The following IQCM variants were observed in gnomAD, a reference collection of about 807,000 sequenced individuals.
The protein encoded by IQCM is IQ domain-containing protein M.
In IQCM, 45 loss-of-function variants were observed where a neutral mutation model predicts 57.6. That is an observed-to-expected ratio of 0.78 (90% confidence interval 0.62 to 1.00). IQCM has a LOEUF of 1.00. Among genes scored for constraint, IQCM ranks in the 50% least tolerant of loss-of-function variants. The pLI is 0.00. For synonymous variants in IQCM, 148 were observed against 158.9 expected, an observed-to-expected ratio of 0.93 and a Z score of 0.51; for missense variants, 468 against 511.6, an observed-to-expected ratio of 0.91 and a Z score of 0.82.
At chr4:149,814,775 C>T (rs1305190925) in intron 2 of IQCM, among the ~76,000 whole-genome samples, 1 of 151,856 alleles carries the variant, frequency 6.6e-6, no homozygotes, top group Admixed American at 6.6e-5. Flanking sequence ...GGGCAGAGAC[C>T]ATCAAGAGTA....
At chr4:149,799,119 C>CA (rs1773378576) in intron 2 of IQCM, among the ~76,000 whole-genome samples, 1 of 150,358 alleles carries the variant, frequency 6.7e-6, no homozygotes, top group East Asian at 1.9e-4. Context: ...TTAACACATT[C>CA]AAAAAATTAA....
chr4:149,523,159 C>A (rs924938414), intron 12 of IQCM, among the ~76,000 whole-genome samples: 1 of 152,028 alleles, frequency 6.6e-6, no homozygotes, highest in African/African-American at 2.4e-5. Context: ...AGGAAGCAAG[C>A]GCTCTCCTGT....
At chr4:149,420,186 T>C (rs1014062426) in intron 13 of IQCM, among the ~76,000 whole-genome samples, 1 of 152,072 alleles carries the variant, frequency 6.6e-6, no homozygotes, top group African/African-American at 2.4e-5. Context: ...TAAAGACACA[T>C]GCACATGTAT....
At chr4:149,578,408 A>T (rs573910795) in intron 9 of IQCM, among the ~76,000 whole-genome samples, 1 of 151,832 alleles carries the variant, frequency 6.6e-6, no homozygotes, top group Non-Finnish European at 1.5e-5. Context: ...TAGGGTGTTT[A>T]TGCCAAAGGC....
At chr4:149,387,563 C>A (rs1731510844) in intron 13 of IQCM, among the ~76,000 whole-genome samples, 1 of 151,932 alleles carries the variant, frequency 6.6e-6, no homozygotes, top group African/African-American at 2.4e-5. Flanking sequence ...GAAAAACTTT[C>A]TTTTATCATT....
chr4:149,493,588 A>G (rs1411815192), intron 12 of IQCM, among the ~76,000 whole-genome samples: 1 of 152,084 alleles, frequency 6.6e-6, no homozygotes, highest in East Asian at 1.9e-4. Flanking sequence ...GTTTGCATTA[A>G]GTAGCCCTGT....
chr4:149,773,506 A>T (rs564268787), intron 2 of IQCM, among the ~76,000 whole-genome samples: 1 of 152,314 alleles, frequency 6.6e-6, no homozygotes, highest in Non-Finnish European at 1.5e-5. Context: ...TCAGATGGGT[A>T]TTTAAACTAA....
At chr4:149,699,003 A>T (rs1201053575) in intron 5 of IQCM, among the ~76,000 whole-genome samples, 1 of 152,090 alleles carries the variant, frequency 6.6e-6, no homozygotes, top group Non-Finnish European at 1.5e-5. Flanking sequence ...AGTGATGTTG[A>T]TGATTATAAA....
chr4:149,680,403 GT>G (rs920880346), intron 7 of IQCM, among the ~76,000 whole-genome samples: 81 of 150,836 alleles, frequency 5.4e-4, no homozygotes, highest in African/African-American at 1.9e-3. Context: ...TGTATAATCA[GT>G]TTTTAAAAAG....
intron 13 of IQCM, among the ~76,000 whole-genome samples, chr4:149,388,919 C>T (rs1177854068): frequency 1.3e-5 from 2 of 150,952 alleles, no homozygotes; most frequent in African/African-American, 4.9e-5. Flanking sequence ...TATTTTTTCT[C>T]CCAATCCGTG....
intron 12 of IQCM, among the ~76,000 whole-genome samples, chr4:149,462,017 AG>A (rs1208525813): frequency 2.0e-5 from 3 of 152,146 alleles, no homozygotes; most frequent in African/African-American, 4.8e-5. Context: ...GTGCTTTTAC[AG>A]GCTTTATGTA....
rs955268020 is a variant in IQCM, at chr4:149,374,162, C to T, written c.1391-22096G>A. ...AATGTTAGACACCAAGGTGGTAGCA[C>T]CCTTGACAGGTCATCTCTTTAGTGT... On this transcript the variant is annotated intron_variant, in intron 13 of 13. Coordinates refer to ENST00000636793, the MANE Select transcript of IQCM (RefSeq NM_001363507.2). Among the ~76,000 whole-genome samples, 8 of 152,228 alleles carry T rather than the reference C, an allele frequency of 5.3e-5. No homozygotes were observed. The South Asian group carries it at 8.3e-4, about 16-fold the overall frequency.
chr4:149,382,054 C>T (rs72724065), intron 13 of IQCM, among the ~76,000 whole-genome samples: 2 of 151,998 alleles, frequency 1.3e-5, no homozygotes, highest in African/African-American at 2.4e-5. Context: ...CATGAGCCAT[C>T]GTGCCTGGCC....
At chr4:149,730,726 C>T (rs1417137791) in intron 5 of IQCM, among the ~76,000 whole-genome samples, 1 of 152,124 alleles carries the variant, frequency 6.6e-6, no homozygotes. Flanking sequence ...ATCAGATATC[C>T]TCCTATTCAC....
chr4:149,503,405 C>T (rs900770854), intron 12 of IQCM, among the ~76,000 whole-genome samples: 1 of 152,102 alleles, frequency 6.6e-6, no homozygotes, highest in African/African-American at 2.4e-5. Context: ...CAAAGACTCT[C>T]CTCATCATCC....
intron 13 of IQCM, among the ~76,000 whole-genome samples, chr4:149,368,854 A>ACGTATATATATACATATATACACG (rs1491499127): frequency 6.7e-5 from 3 of 44,528 alleles, no homozygotes; most frequent in African/African-American, 1.8e-4. Flanking sequence ...ATATATATAC[A>ACGTATATATATACATATATACACG]TGTATATATA....
intron 13 of IQCM, among the ~76,000 whole-genome samples, chr4:149,423,546 T>C (rs892061075): frequency 6.6e-6 from 1 of 152,058 alleles, no homozygotes; most frequent in Non-Finnish European, 1.5e-5. Context: ...TCCAAAGATG[T>C]TGACAGCCTC....
At chr4:149,353,730 G>A (rs1483173367) in intron 13 of IQCM, among the ~76,000 whole-genome samples, 2 of 152,238 alleles carry the variant, frequency 1.3e-5, no homozygotes, top group South Asian at 4.1e-4. Context: ...CTGAAAAAAA[G>A]AGTCAAATAT....
chr4:149,702,428 A>G (rs1162254273), intron 5 of IQCM, among the ~76,000 whole-genome samples: 2 of 151,894 alleles, frequency 1.3e-5, no homozygotes, highest in African/African-American at 4.8e-5. Context: ...ACATAAATAA[A>G]TGACAATAAA....
Sources: allele counts gnomAD v4.1 joint callset (sites outside exome capture counted in the v4.1 genomes callset), GRCh38; gene constraint gnomAD v4.1.1; transcripts MANE v1.5; gene names NCBI Gene and HGNC (gene_info 2026-07-23, HGNC 2026-07-21).